The following SLC38A12 variants were observed in gnomAD, a reference collection of about 807,000 sequenced individuals.
SLC38A12 encodes solute carrier family 38 member 12.
chr17:74,780,867 T>G, the SLC38A12 span, among the ~76,000 whole-genome samples: 12 of 152,302 alleles, frequency 7.9e-5, no homozygotes, highest in South Asian at 1.9e-3. Flanking sequence ...CTGCCAATAG[T>G]TTCTCTCTTC....
At chr17:74,833,017 C>T in the SLC38A12 span, among the ~76,000 whole-genome samples, 44,070 of 151,740 alleles carry the variant, frequency 0.29, 6,584 homozygotes, top group East Asian at 0.43. Context: ...ATATCCGTGG[C>T]TTGTTTGTTT....
the SLC38A12 span, among the ~76,000 whole-genome samples, chr17:74,797,154 G>T: frequency 6.6e-6 from 1 of 152,194 alleles, no homozygotes; most frequent in Non-Finnish European, 1.5e-5. Context: ...GGGAATATTG[G>T]CTGCTGCCAT....
At chr17:74,779,756 G>A in the SLC38A12 span, among the ~76,000 whole-genome samples, 1 of 152,208 alleles carries the variant, frequency 6.6e-6, no homozygotes, top group Non-Finnish European at 1.5e-5. Context: ...TTCAGCCCAC[G>A]CGCATTTACA....
the SLC38A12 span, among the ~76,000 whole-genome samples, chr17:74,780,519 C>A: frequency 6.6e-6 from 1 of 152,156 alleles, no homozygotes; most frequent in East Asian, 1.9e-4. Flanking sequence ...CCACTGCTTC[C>A]CAGGAGTCTG....
the SLC38A12 span, chr17:74,838,194 T>G: frequency 1.0e-6 from 1 of 985,636 alleles, no homozygotes; most frequent in Non-Finnish European, 1.2e-6. Context: ...GCTTTCTCTG[T>G]GCCGTCGCAC....
the SLC38A12 span, among the ~76,000 whole-genome samples, chr17:74,817,855 C>T: frequency 6.6e-6 from 1 of 152,260 alleles, no homozygotes; most frequent in Admixed American, 6.5e-5. Flanking sequence ...TAAGCCACCC[C>T]CAAGATCTCC....
At chr17:74,820,486 T>C in the SLC38A12 span, among the ~76,000 whole-genome samples, 2 of 152,228 alleles carry the variant, frequency 1.3e-5, no homozygotes, top group African/African-American at 4.8e-5. Context: ...CACACCATCC[T>C]GCCAGCCACC....
chr17:74,810,940 A>G, the SLC38A12 span, among the ~76,000 whole-genome samples: 1 of 152,198 alleles, frequency 6.6e-6, no homozygotes. Context: ...CCGCATGGTG[A>G]ATGATCCTTT....
chr17:74,805,202 C>T, the SLC38A12 span, among the ~76,000 whole-genome samples: 5 of 152,378 alleles, frequency 3.3e-5, no homozygotes, highest in East Asian at 9.6e-4. This position sits in a 1 kb window ranked among gnomAD's most constrained non-coding sequence, Gnocchi z 5.0. Context: ...CTGCTTCCCA[C>T]AGCACCATGG....
chr17:74,826,584 G>A, the SLC38A12 span, among the ~76,000 whole-genome samples: 1 of 152,162 alleles, frequency 6.6e-6, no homozygotes, highest in South Asian at 2.1e-4. Context: ...TGCCCTACAG[G>A]TCTGGAATGA....
the SLC38A12 span, among the ~76,000 whole-genome samples, chr17:74,829,615 G>A: frequency 6.6e-6 from 1 of 152,190 alleles, no homozygotes. This position sits in a 1 kb window ranked among gnomAD's most constrained non-coding sequence, Gnocchi z 4.1. Flanking sequence ...CTTAATTCCA[G>A]AGCCAGTCAT....
At chr17:74,830,825 G>A in the SLC38A12 span, among the ~76,000 whole-genome samples, 1 of 152,236 alleles carries the variant, frequency 6.6e-6, no homozygotes, top group Non-Finnish European at 1.5e-5. Flanking sequence ...CTCCCCAGGT[G>A]TCAGTGTGCG....
At chr17:74,795,469 C>G in the SLC38A12 span, 89 of 1,536,976 alleles carry the variant, frequency 5.8e-5, 1 homozygote, top group South Asian at 8.1e-4. Flanking sequence ...CTGTCTCCCC[C>G]AGCCCAGCCA....
At chr17:74,785,043 G>A in the SLC38A12 span, among the ~76,000 whole-genome samples, 1 of 152,160 alleles carries the variant, frequency 6.6e-6, no homozygotes, top group Non-Finnish European at 1.5e-5. Flanking sequence ...GGACAATGGC[G>A]AGGACCTTGA....
At chr17:74,794,978 G>T in the SLC38A12 span, 1 of 1,543,732 alleles carries the variant, frequency 6.5e-7, no homozygotes, top group Non-Finnish European at 8.9e-7. Flanking sequence ...ACATCTCTTT[G>T]TGGCTCCCTG....
the SLC38A12 span, among the ~76,000 whole-genome samples, chr17:74,831,850 G>A: frequency 6.6e-6 from 1 of 152,226 alleles, no homozygotes; most frequent in Non-Finnish European, 1.5e-5. Context: ...CTGTCTTGGC[G>A]GCTGTGGCTG....
At chr17:74,830,750 G>A in the SLC38A12 span, among the ~76,000 whole-genome samples, 3 of 152,194 alleles carry the variant, frequency 2.0e-5, no homozygotes, top group Non-Finnish European at 4.4e-5. Context: ...CTCAGGACTC[G>A]TGCCTGTTTT....
chr17:74,824,925 C>G, the SLC38A12 span, among the ~76,000 whole-genome samples: 2 of 152,172 alleles, frequency 1.3e-5, no homozygotes, highest in Non-Finnish European at 2.9e-5. Flanking sequence ...GAAGCCATCA[C>G]CTGGGGACAT....
chr17:74,838,660 C>T, the SLC38A12 span: 1 of 1,401,752 alleles, frequency 7.1e-7, no homozygotes, highest in Non-Finnish European at 9.3e-7. Context: ...AGCTGCTTTG[C>T]TCCTCAGTGT....
Sources: allele counts gnomAD v4.1 joint callset (sites outside exome capture counted in the v4.1 genomes callset), GRCh38; gene constraint gnomAD v4.1.1; non-coding constraint Gnocchi (gnomAD v3.1); transcripts MANE v1.5; gene names NCBI Gene and HGNC (gene_info 2026-07-23, HGNC 2026-07-21).